GRIP2: variants seen among roughly 807,000 people sequenced by gnomAD.
The protein encoded by GRIP2 is glutamate receptor-interacting protein 2.
In GRIP2, 58 loss-of-function variants were observed where a neutral mutation model predicts 108.3. The observed-to-expected ratio is 0.54, with a 90% CI of 0.43 to 0.67. The LOEUF is 0.67. Ranked by LOEUF, GRIP2 falls within the 30% of genes least tolerant of loss-of-function variation. The pLI, the probability that GRIP2 is intolerant of heterozygous loss-of-function variation, is 0.00. For missense variants in GRIP2, 1,278 were observed against 1,430.6 expected, an observed-to-expected ratio of 0.89 and a Z score of 1.72; for synonymous variants, 586 against 598.2, an observed-to-expected ratio of 0.98 and a Z score of 0.30.
intron 1 of GRIP2, among the ~76,000 whole-genome samples, chr3:14,547,521 G>A (rs993890111): frequency 3.3e-5 from 5 of 152,206 alleles, no homozygotes; most frequent in African/African-American, 1.2e-4. Context: ...ATAAATAGGT[G>A]CCTCAAATGG....
the GRIP2 span, among the ~76,000 whole-genome samples, chr3:14,568,499 G>C: frequency 1.3e-5 from 2 of 152,154 alleles, no homozygotes; most frequent in African/African-American, 4.8e-5. Flanking sequence ...GTCAGAGCTG[G>C]GATTAAAACC....
chr3:14,520,010 T>C, intron 9 of GRIP2, 100 bp downstream of exon 9: 1 of 1,155,750 alleles, frequency 8.7e-7, no homozygotes, highest in Non-Finnish European at 1.2e-6. Context: ...CTAGTACATT[T>C]TAGCCTGCTC....
At chr3:14,540,439 C>G (rs1694941015), upstream of GRIP2, 1 of 1,585,068 alleles carries the variant, frequency 6.3e-7, no homozygotes, top group African/African-American at 1.3e-5. This position sits in a 1 kb window ranked among gnomAD's most constrained non-coding sequence, Gnocchi z 4.1. Flanking sequence ...CCGAGTCCAC[C>G]CACTGCAGCG....
the GRIP2 span, among the ~76,000 whole-genome samples, chr3:14,586,207 C>T: frequency 6.6e-6 from 1 of 152,186 alleles, no homozygotes; most frequent in African/African-American, 2.4e-5. Context: ...CCTGACTACC[C>T]CATCAACTTC....
At chr3:14,583,408 C>T in the GRIP2 span, among the ~76,000 whole-genome samples, 2 of 152,152 alleles carry the variant, frequency 1.3e-5, no homozygotes, top group Admixed American at 1.3e-4. Flanking sequence ...GAACAGGAAC[C>T]CTTTTGACAG....
At chr3:14,562,576 G>A in the GRIP2 span, among the ~76,000 whole-genome samples, 1 of 152,226 alleles carries the variant, frequency 6.6e-6, no homozygotes, top group Non-Finnish European at 1.5e-5. Context: ...TGTTTTAGGA[G>A]GCCCTAATAA....
chr3:14,521,496 C>G lies in GRIP2; in HGVS notation c.712+146G>C, dbSNP rs1694406060. The stretch of plus-strand genomic sequence containing the variant: ...CACATCAAACAATGCCTAGCACATA[C>G]TATTTACTGCCCAGAGAAGCTGTGA... On this transcript the variant is annotated intron_variant, in intron 7 of 23. Coordinates refer to ENST00000621039, the MANE Select transcript of GRIP2 (RefSeq NM_001080423.4). This position sits in a 1 kb window ranked among gnomAD's most constrained non-coding sequence, Gnocchi z 5.1. 2 of 829,906 alleles carry G rather than the reference C, an allele frequency of 2.4e-6. No homozygotes were observed. Among genetic ancestry groups the G allele is most frequent in the South Asian group, 3.9e-5 (2 of 51,192 alleles). 51.4% of individuals were successfully genotyped at this position (829,906 alleles called of 1,614,324 possible).
intron 1 of GRIP2, among the ~76,000 whole-genome samples, chr3:14,535,586 C>T (rs1055766404): frequency 2.0e-5 from 3 of 152,222 alleles, no homozygotes; most frequent in African/African-American, 7.2e-5. Context: ...TCATGATTCT[C>T]ATTTTACAGA....
intron 3 of GRIP2, among the ~76,000 whole-genome samples, chr3:14,524,877 G>A (rs959493168): frequency 1.3e-5 from 2 of 152,188 alleles, no homozygotes; most frequent in Admixed American, 6.5e-5. Flanking sequence ...CCTTCCTGCT[G>A]TTCAACTGGA....
At chr3:14,534,737 G>A (rs1694792797) in intron 1 of GRIP2, among the ~76,000 whole-genome samples, 1 of 152,164 alleles carries the variant, frequency 6.6e-6, no homozygotes, top group African/African-American at 2.4e-5. Context: ...TGGTACTCAG[G>A]CCCACGCTGC....
At chr3:14,524,184 AT>A (rs1358712152) in intron 4 of GRIP2, 3 of 596,142 alleles carry the variant, frequency 5.0e-6, no homozygotes, top group Non-Finnish European at 8.9e-6. Flanking sequence ...GTAAAATGAC[AT>A]TGGCTATAGA....
At chr3:14,594,099 GC>G in the GRIP2 span, among the ~76,000 whole-genome samples, 1 of 152,208 alleles carries the variant, frequency 6.6e-6, no homozygotes. Context: ...TGTTCTCTGT[GC>G]CTGGGATGGC....
At chr3:14,554,665 G>T (rs554272043) in intron 1 of GRIP2, among the ~76,000 whole-genome samples, 1 of 140,968 alleles carries the variant, frequency 7.1e-6, no homozygotes, top group Non-Finnish European at 1.6e-5. Context: ...CCCCATCCCC[G>T]CCACCTCCCT....
At chr3:14,587,666 A>C in the GRIP2 span, among the ~76,000 whole-genome samples, 1 of 152,012 alleles carries the variant, frequency 6.6e-6, no homozygotes, top group Non-Finnish European at 1.5e-5. Context: ...CAAAACAAAA[A>C]AAACCCTTCT....
At chr3:14,584,352 T>C in the GRIP2 span, among the ~76,000 whole-genome samples, 1 of 152,188 alleles carries the variant, frequency 6.6e-6, no homozygotes, top group African/African-American at 2.4e-5. Flanking sequence ...TCACCATTCA[T>C]CCAAGTCCTG....
chr3:14,551,959 C>T (rs144121075), intron 1 of GRIP2, among the ~76,000 whole-genome samples: 24 of 152,184 alleles, frequency 1.6e-4, no homozygotes, highest in Non-Finnish European at 3.2e-4. Context: ...ACAGCAAGTG[C>T]TCAATAAATG....
chr3:14,597,138 C>T, the GRIP2 span, among the ~76,000 whole-genome samples: 5 of 152,204 alleles, frequency 3.3e-5, no homozygotes, highest in African/African-American at 1.2e-4. Context: ...GTCCCCTTCA[C>T]TCATCTTTTG....
intron 1 of GRIP2, among the ~76,000 whole-genome samples, chr3:14,555,500 G>A (rs1319153546): frequency 6.6e-6 from 1 of 152,152 alleles, no homozygotes; most frequent in East Asian, 1.9e-4. Context: ...GAGTGGGAGA[G>A]AGAAGGCAGA....
At chr3:14,497,398 G>C (rs916611539) in intron 21 of GRIP2, among the ~76,000 whole-genome samples, 1 of 152,152 alleles carries the variant, frequency 6.6e-6, no homozygotes, top group African/African-American at 2.4e-5. Flanking sequence ...GGTGGCCCTC[G>C]TCCTGTGAGG....
Sources: allele counts gnomAD v4.1 joint callset (sites outside exome capture counted in the v4.1 genomes callset), GRCh38; gene constraint gnomAD v4.1.1; non-coding constraint Gnocchi (gnomAD v3.1); transcripts MANE v1.5; gene names NCBI Gene and HGNC (gene_info 2026-07-23, HGNC 2026-07-21).